Variants in CLEC16A observed in about 807,000 individuals in gnomAD.
The protein encoded by CLEC16A is protein CLEC16A.
A neutral mutation model predicts 109.5 loss-of-function variants in CLEC16A; 51 were observed. The observed-to-expected ratio is 0.47, with a 90% CI of 0.37 to 0.59. CLEC16A has a LOEUF of 0.59. CLEC16A is among the 20% of genes least tolerant of loss of function. The pLI is 0.00. For missense variants in CLEC16A, 1,339 were observed against 1,394.0 expected, an observed-to-expected ratio of 0.96 and a Z score of 0.63; for synonymous variants, 673 against 564.2, an observed-to-expected ratio of 1.19 and a Z score of -2.73.
intron 15 of CLEC16A, among the ~76,000 whole-genome samples, 172 bp downstream of exon 15, chr16:11,042,535 G>A (rs2047396470): frequency 6.6e-6 from 1 of 152,198 alleles, no homozygotes; most frequent in South Asian, 2.1e-4. Flanking sequence ...TTATTCAGCA[G>A]GGACTTCCTT....
chr16:11,173,414 G>A (rs1381366011), intron 23 of CLEC16A, among the ~76,000 whole-genome samples: 6 of 152,022 alleles, frequency 3.9e-5, no homozygotes, highest in Non-Finnish European at 5.9e-5. Context: ...TGCTCCCGAC[G>A]TTTTTATTTC....
intron 22 of CLEC16A, among the ~76,000 whole-genome samples, chr16:11,138,178 T>A (rs1239599259): frequency 1.3e-5 from 2 of 152,188 alleles, no homozygotes; most frequent in Non-Finnish European, 2.9e-5. Flanking sequence ...GAGCAAGCGT[T>A]TACTAAGGCC....
rs758535225 is a variant in CLEC16A at position 10,969,248 on chromosome 16, C to T, written c.431C>T (p.Ser144Leu). Residue 144 changes from serine (S) to leucine (L), a missense_variant, in exon 4 of 24, where the codon TCG (serine) becomes TTG (leucine). Physicochemically the swap from Ser to Leu is moderately radical, Grantham distance 145. Around this residue, in one of 3 missense-constraint regions of CLEC16A, gnomAD observed 161 missense variants for 267.1 expected, o/e 0.60. Coordinates refer to ENST00000409790, the MANE Select transcript of CLEC16A (RefSeq NM_015226.3). ...GAGGAGATTATGGCCTATTATATAT[C>T]GTTCCTGAAAACACTTTCGTTAAAA... ...SDEEIMAYYISFLKTLSLKLN... is the reference protein window; with the variant it reads ...SDEEIMAYYILFLKTLSLKLN... 12 of 1,610,580 alleles carry T rather than the reference C, an allele frequency of 7.5e-6. No homozygotes were observed. Among genetic ancestry groups the T allele is most frequent in the Non-Finnish European group, 8.5e-6 (10 of 1,177,734 alleles).
chr16:10,969,357 C>CTTTT, intron 4 of CLEC16A, 48 bp downstream of exon 4: 23 of 998,976 alleles, frequency 2.3e-5, no homozygotes, highest in South Asian at 5.4e-5. Context: ...CCACACGTGG[C>CTTTT]TTTTTTTTTT....
chr16:11,014,231 C>T (rs2045606818), intron 11 of CLEC16A, among the ~76,000 whole-genome samples: 2 of 152,166 alleles, frequency 1.3e-5, no homozygotes, highest in African/African-American at 4.8e-5. Flanking sequence ...CATATGTGTT[C>T]CTTCCACTTA....
At position 11,166,606 on chromosome 16, in the gene CLEC16A, C is replaced by G. The variant is rs2068274638; in HGVS notation, c.2806+54C>G. ...GGACATTTGGAGAACCCCGTGATCC[C>G]TCACCATTACCAAAACCCCTGACCT... On this transcript the variant is annotated intron_variant, in intron 23 of 23. Coordinates refer to ENST00000409790, the MANE Select transcript of CLEC16A (RefSeq NM_015226.3). 6 of 1,486,756 alleles carry G rather than the reference C, an allele frequency of 4.0e-6. No individual in the cohort carries two copies. In the East Asian group the frequency reaches 1.2e-4, roughly 31 times the overall value. The allele number at this position is 1,486,756 out of a possible 1,614,324, so 92.1% of individuals were successfully genotyped here.
chr16:11,146,272 C>T (rs1342342537), intron 22 of CLEC16A, among the ~76,000 whole-genome samples: 1 of 152,184 alleles, frequency 6.6e-6, no homozygotes, highest in Non-Finnish European at 1.5e-5. Flanking sequence ...TTGACTGGCC[C>T]TGCCCTGTCC....
At position 11,003,223 on chromosome 16, in the gene CLEC16A, C is replaced by G; in HGVS notation, c.1221C>G (p.Thr407=). Residue 407 remains threonine, a synonymous_variant, in exon 11 of 24, where the codon ACC becomes ACG. Transcript: ENST00000409790. Reference sequence around the variant, plus strand: ...AAGAAGATGAGGAGAAAGGGCCCACCGAGGATGCCCAAGAAGACGCCGAGA... The same window carrying G: ...AAGAAGATGAGGAGAAAGGGCCCACGGAGGATGCCCAAGAAGACGCCGAGA... ...GEEEDEEKGP[T]EDAQEDAEKA... The G allele has an allele frequency of 2.5e-6, 4 of 1,613,314 alleles. No individual in the cohort carries two copies. The highest frequency in any genetic ancestry group is 3.4e-6 in the Non-Finnish European group (4 of 1,179,830).
chr16:11,156,134 G>T (rs1018927139), intron 22 of CLEC16A, among the ~76,000 whole-genome samples: 9 of 152,160 alleles, frequency 5.9e-5, no homozygotes, highest in African/African-American at 2.2e-4. Context: ...GGCCAAGACG[G>T]CTGGATCACC....
intron 20 of CLEC16A, 45 bp downstream of exon 20, chr16:11,120,811 AACACACACAC>A (rs3217121): frequency 3.0e-5 from 28 of 934,284 alleles, no homozygotes; most frequent in South Asian, 1.9e-4. Flanking sequence ...GTTGGCTACA[AACACACACAC>A]ACACACACAC....
chr16:11,072,648 G>A (rs1385035959), intron 19 of CLEC16A, among the ~76,000 whole-genome samples: 3 of 152,206 alleles, frequency 2.0e-5, no homozygotes, highest in Admixed American at 6.5e-5. Context: ...CATCTGTAAA[G>A]TGGGTCTAAT....
rs2052535970 is a variant in CLEC16A at position 11,122,905 on chromosome 16, T to TC, written c.2269-837_2269-836insC. On this transcript the variant is annotated intron_variant, in intron 20 of 23. Transcript: ENST00000409790. ...CCTTCCCTATCCCTTTCTTTTTTTT[T>TC]TTTTTTTTTTTTTTTTGAGATGGAG... Among the ~76,000 whole-genome samples, 10 of 138,006 alleles carry TC rather than the reference T, an allele frequency of 7.2e-5. No homozygotes were observed. In the South Asian group the frequency reaches 2.5e-3, roughly 35 times the overall value. The allele number at this position is 138,006 out of a possible 152,430, so 90.5% of individuals were successfully genotyped here. A position where few individuals can be genotyped will look rare whatever the true frequency, so the allele number is the denominator to read the frequency against.
chr16:11,064,933 A>G (rs1270078566), intron 19 of CLEC16A, among the ~76,000 whole-genome samples: 1 of 152,208 alleles, frequency 6.6e-6, no homozygotes, highest in Non-Finnish European at 1.5e-5. Context: ...TGAATACGCA[A>G]GCTGAAACTC....
intron 22 of CLEC16A, among the ~76,000 whole-genome samples, chr16:11,145,977 C>T (rs2054037449): frequency 6.6e-6 from 1 of 152,172 alleles, no homozygotes; most frequent in Non-Finnish European, 1.5e-5. Flanking sequence ...CCCCTTGGCC[C>T]ACTTCAAGGC....
intron 2 of CLEC16A, among the ~76,000 whole-genome samples, chr16:10,960,840 A>G (rs1450511048): frequency 6.6e-6 from 1 of 152,144 alleles, no homozygotes; most frequent in Non-Finnish European, 1.5e-5. Flanking sequence ...TTATTGCTCA[A>G]GTTGTTTCAG....
chr16:10,979,239 T>G, intron 8 of CLEC16A, 90 bp from the exon 9 acceptor site: 1 of 1,224,508 alleles, frequency 8.2e-7, no homozygotes, highest in Non-Finnish European at 1.2e-6. Context: ...GACGCCTTTG[T>G]TCACACAGAA....
chr16:11,148,601 G>A (rs1438257452), intron 22 of CLEC16A, among the ~76,000 whole-genome samples: 2 of 152,182 alleles, frequency 1.3e-5, no homozygotes, highest in African/African-American at 2.4e-5. Flanking sequence ...CATCAGGGCT[G>A]TGGCTTGAAC....
chr16:11,143,761 C>A (rs779141971), intron 22 of CLEC16A, among the ~76,000 whole-genome samples: 1 of 152,176 alleles, frequency 6.6e-6, no homozygotes, highest in Non-Finnish European at 1.5e-5. Flanking sequence ...TGCATTAGCT[C>A]ATCGTCAGAA....
At chr16:11,088,702 C>T (rs1475671964) in intron 19 of CLEC16A, among the ~76,000 whole-genome samples, 4 of 152,082 alleles carry the variant, frequency 2.6e-5, no homozygotes, top group Non-Finnish European at 5.9e-5. Flanking sequence ...TTCACAGGAC[C>T]CAGAAGTTTG....
Sources: gnomAD v4.1 joint callset for allele counts (sites outside exome capture counted in the v4.1 genomes callset) on GRCh38, gnomAD v4.1.1 for gene constraint, gnomAD v4.1.1 regional missense constraint, MANE v1.5 for transcripts, NCBI Gene and HGNC (gene_info 2026-07-23, HGNC 2026-07-21) for gene names.